ASCC2: variants seen among roughly 807,000 people sequenced by gnomAD.
The protein encoded by ASCC2 is activating signal cointegrator 1 complex subunit 2.
A neutral mutation model predicts 93.5 loss-of-function variants in ASCC2; 42 were observed. The ratio of observed to expected loss-of-function variants is 0.45; its 90% confidence interval spans 0.35 to 0.58. ASCC2 has a LOEUF of 0.58. ASCC2 is among the 20% of genes least tolerant of loss of function. The pLI is 0.00. For synonymous variants in ASCC2, 364 were observed against 384.2 expected, an observed-to-expected ratio of 0.95 and a Z score of 0.62; for missense variants, 859 against 977.6, an observed-to-expected ratio of 0.88 and a Z score of 1.62.
At position 29,789,198 on chromosome 22, in the gene ASCC2, A is replaced by T. The variant is rs764921465; in HGVS notation, c.2103-14T>A. 3 of 1,613,920 alleles carry T rather than the reference A, an allele frequency of 1.9e-6. No individual in the cohort carries two copies. The South Asian group carries it at 3.3e-5, about 18-fold the overall frequency. ...TCATGCCGGTACCTGAGGGAGGAACAACCCACCCCACGAGAACCTGTCAGC... is the reference window on the plus strand; with the variant it reads ...TCATGCCGGTACCTGAGGGAGGAACTACCCACCCCACGAGAACCTGTCAGC... On this transcript the variant is annotated splice_polypyrimidine_tract_variant and intron_variant, in intron 19 of 19. Coordinates refer to ENST00000307790, the MANE Select transcript of ASCC2 (RefSeq NM_032204.5).
chr22:29,823,623 G>A (rs987965105), intron 4 of ASCC2, among the ~76,000 whole-genome samples: 2 of 152,128 alleles, frequency 1.3e-5, no homozygotes, highest in Non-Finnish European at 2.9e-5. Context: ...CGAGGCAGAC[G>A]GATCACGTGA....
At chr22:29,790,665 A>C in intron 18 of ASCC2, 117 bp from the exon 19 acceptor site, 1 of 1,080,546 alleles carries the variant, frequency 9.3e-7, no homozygotes, top group Non-Finnish European at 1.4e-6. Context: ...TGTGGGGGGA[A>C]GCTGCAGCCT....
chr22:29,806,713 G>A, intron 10 of ASCC2, 84 bp downstream of exon 10: 3 of 1,452,450 alleles, frequency 2.1e-6, no homozygotes, highest in Non-Finnish European at 2.9e-6. Context: ...TGCAGTGGAG[G>A]AAGCCAAGAT....
At chr22:29,793,513 C>A in intron 16 of ASCC2, 23 bp from the exon 17 acceptor site, 1 of 1,614,078 alleles carries the variant, frequency 6.2e-7, no homozygotes, top group Non-Finnish European at 8.5e-7. Context: ...AAGCATGGGT[C>A]TGGGGGGCTC....
At chr22:29,813,832 C>T (rs1286394190) in intron 7 of ASCC2, among the ~76,000 whole-genome samples, 1 of 152,154 alleles carries the variant, frequency 6.6e-6, no homozygotes, top group African/African-American at 2.4e-5. Flanking sequence ...CTCTTCTAAG[C>T]TAAAGGAAAA....
chr22:29,809,986 A>C (rs2060106031), intron 8 of ASCC2: 1 of 152,062 alleles, frequency 6.6e-6, no homozygotes, highest in African/African-American at 2.4e-5. Flanking sequence ...AGGTGATTTC[A>C]TACCACCCTT....
At position 29,793,484 on chromosome 22, in the gene ASCC2, G is replaced by GT; in HGVS notation, c.1794dup (p.Leu599ThrfsTer17). 6.2e-7 allele frequency: 1 copy of GT among 1,614,172 alleles called. No homozygotes were observed. The highest frequency in any genetic ancestry group is 2.2e-5 in the East Asian group (1 of 44,880). ...TAGGGCAGGCTCTCGCCTGGCTGCA[G>GT]TGGCACCTGCAATGGCATAAGCATG... On this transcript the variant is annotated frameshift_variant, in exon 17 of 20. Coordinates refer to ENST00000307790, the MANE Select transcript of ASCC2 (RefSeq NM_032204.5). LOFTEE classifies it high-confidence loss of function.
intron 15 of ASCC2, among the ~76,000 whole-genome samples, chr22:29,795,027 C>T (rs971396810): frequency 6.6e-6 from 1 of 151,532 alleles, no homozygotes; most frequent in Non-Finnish European, 1.5e-5. Context: ...TGGGCTCAAG[C>T]GATTCTCGTG....
chr22:29,792,368 G>A, intron 18 of ASCC2, 65 bp downstream of exon 18: 2 of 1,597,220 alleles, frequency 1.3e-6, no homozygotes, highest in Non-Finnish European at 8.5e-7. Flanking sequence ...AGGGGTGAGG[G>A]GCCCTTCTGA....
chr22:29,827,025 G>A (rs2062432679), intron 2 of ASCC2, among the ~76,000 whole-genome samples: 2 of 147,966 alleles, frequency 1.4e-5, no homozygotes, highest in African/African-American at 5.0e-5. Flanking sequence ...GTGAACCCGG[G>A]AGGCAGAGCT....
At chr22:29,792,385 C>A in intron 18 of ASCC2, 48 bp downstream of exon 18, 1 of 1,608,834 alleles carries the variant, frequency 6.2e-7, no homozygotes, top group Non-Finnish European at 8.5e-7. Flanking sequence ...CTGATTCACC[C>A]CTCAGAACTG....
chr22:29,828,130 G>A (rs745605196), intron 2 of ASCC2, among the ~76,000 whole-genome samples: 7 of 152,248 alleles, frequency 4.6e-5, no homozygotes, highest in Non-Finnish European at 1.0e-4. Flanking sequence ...GGAGGATAAG[G>A]GACGGCTTCC....
rs36571 is a variant in ASCC2, at chr22:29,804,724, G to A, written c.1267C>T (p.Pro423Ser). ...DAKDPSVIEE[P>S]NGEPNGVTVT... ...GTGACCCCGTTAGGCTCCCCATTAGGCTCCTCAATCACCGATGGGTCTTTA... is the reference window on the plus strand; with the variant it reads ...GTGACCCCGTTAGGCTCCCCATTAGACTCCTCAATCACCGATGGGTCTTTA... The change falls in exon 13 of 20, where the codon CCT (proline) becomes TCT (serine). Residue 423 changes from proline (P) to serine (S), a missense_variant. By Grantham distance (74) the Pro-to-Ser change is moderately conservative. Coordinates refer to ENST00000307790, the MANE Select transcript of ASCC2 (RefSeq NM_032204.5). 122,820 of 1,613,876 alleles carry A rather than the reference G, an allele frequency of 0.076. 5,427 individuals carry two copies. The highest frequency in any genetic ancestry group is 0.089 in the Non-Finnish European group (105,172 of 1,179,906).
rs113698287 is a variant in ASCC2 at position 29,788,789 on chromosome 22, C to T, written c.*224G>A. 5 of 568,044 alleles carry T rather than the reference C, an allele frequency of 8.8e-6. No individual in the cohort carries two copies. Among genetic ancestry groups the T allele is most frequent in the South Asian group, 4.2e-5 (2 of 47,308 alleles). 35.2% of individuals were successfully genotyped at this position (568,044 alleles called of 1,614,324 possible). Reference sequence around the variant, plus strand: ...CAGCTGGGGGAAGGTGCCTGCTTGCCGGCCCCACGGATTCTTCGGCTGTGG... The same window carrying T: ...CAGCTGGGGGAAGGTGCCTGCTTGCTGGCCCCACGGATTCTTCGGCTGTGG... On this transcript the variant is annotated 3_prime_UTR_variant, in exon 20 of 20. Coordinates refer to ENST00000307790, the MANE Select transcript of ASCC2 (RefSeq NM_032204.5).
chr22:29,829,188 CCTTT>C (rs1329610625), intron 2 of ASCC2, among the ~76,000 whole-genome samples: 1 of 151,980 alleles, frequency 6.6e-6, no homozygotes, highest in Non-Finnish European at 1.5e-5. Flanking sequence ...AAAAAAATTC[CCTTT>C]CTTTTCATAG....
At chr22:29,836,074 T>G (rs2063741821) in intron 1 of ASCC2, among the ~76,000 whole-genome samples, 1 of 151,940 alleles carries the variant, frequency 6.6e-6, no homozygotes, top group South Asian at 2.1e-4. Context: ...GAAGGAGAAT[T>G]GCTTGAGCCC....
At chr22:29,831,822 G>A (rs1386609728) in intron 2 of ASCC2, among the ~76,000 whole-genome samples, 4 of 152,114 alleles carry the variant, frequency 2.6e-5, no homozygotes, top group Admixed American at 6.6e-5. Context: ...GATAAAAGAC[G>A]GCCCAACCTC....
At chr22:29,834,957 A>G (rs891639418) in intron 1 of ASCC2, among the ~76,000 whole-genome samples, 2 of 152,134 alleles carry the variant, frequency 1.3e-5, no homozygotes, top group African/African-American at 4.8e-5. Context: ...AGTTCTTTCC[A>G]GGCTCGCCCG....
chr22:29,795,296 C>A (rs1192339601), intron 15 of ASCC2, among the ~76,000 whole-genome samples: 1 of 152,028 alleles, frequency 6.6e-6, no homozygotes, highest in African/African-American at 2.4e-5. Context: ...CTCTTGGGCT[C>A]AAGTGATCCT....
Sources: gnomAD v4.1 joint callset for allele counts (sites outside exome capture counted in the v4.1 genomes callset) on GRCh38, gnomAD v4.1.1 for gene constraint, MANE v1.5 for transcripts, NCBI Gene and HGNC (gene_info 2026-07-23, HGNC 2026-07-21) for gene names.